The following ARHGEF26 variants were observed in gnomAD, a reference collection of about 807,000 sequenced individuals.
ARHGEF26 encodes Rho guanine nucleotide exchange factor 26.
In ARHGEF26, 59 loss-of-function variants were observed where a neutral mutation model predicts 89.4. The ratio of observed to expected loss-of-function variants is 0.66; its 90% CI spans 0.54 to 0.82. ARHGEF26 has a LOEUF of 0.82. Among genes scored for constraint, ARHGEF26 ranks in the 40% least tolerant of loss-of-function variants. ARHGEF26 has a pLI of 0.00. For synonymous variants in ARHGEF26, 500 were observed against 428.4 expected (o/e 1.17, Z -2.06); for missense variants, 1,234 against 1,085.6 (o/e 1.14, Z -1.92).
chr3:154,167,850 C>G lies in ARHGEF26; in HGVS notation c.1487+14918C>G, dbSNP rs368562311. The stretch of plus-strand genomic sequence containing the variant: ...CTATACTTCAGGTTCATTAGAAACT[C>G]CTTTTACATCATGTCCTTAGGTAAC... On this transcript the variant is annotated intron_variant, in intron 6 of 14. Transcript: ENST00000465093. Among the ~76,000 whole-genome samples, 9 of 152,258 alleles carry G rather than the reference C, an allele frequency of 5.9e-5. No homozygotes were observed. In the East Asian group the frequency reaches 9.6e-4, roughly 16 times the overall value.
intron 6 of ARHGEF26, among the ~76,000 whole-genome samples, chr3:154,180,303 T>C (rs1713101801): frequency 6.6e-6 from 1 of 152,128 alleles, no homozygotes; most frequent in South Asian, 2.1e-4. Flanking sequence ...GACATGTACA[T>C]GGCCATCATT....
intron 4 of ARHGEF26, among the ~76,000 whole-genome samples, chr3:154,134,877 A>G (rs1057102487): frequency 3.9e-4 from 59 of 152,030 alleles, no homozygotes; most frequent in Admixed American, 1.2e-3. Context: ...ATGATGAATA[A>G]TATTTATTGA....
At chr3:154,205,908 G>A (rs890209528) in intron 9 of ARHGEF26, among the ~76,000 whole-genome samples, 5 of 152,076 alleles carry the variant, frequency 3.3e-5, no homozygotes, top group Admixed American at 6.6e-5. Flanking sequence ...ACTTAGGGTA[G>A]GGGTAGTTTA....
chr3:154,130,510 T>C (rs1453863844), intron 4 of ARHGEF26, among the ~76,000 whole-genome samples: 1 of 152,234 alleles, frequency 6.6e-6, no homozygotes, highest in Non-Finnish European at 1.5e-5. Flanking sequence ...AATGATATTC[T>C]GTTCCATCTC....
At chr3:154,150,137 CTTT>C (rs11415597) in intron 5 of ARHGEF26, among the ~76,000 whole-genome samples, 1 of 137,440 alleles carries the variant, frequency 7.3e-6, no homozygotes. Flanking sequence ...CAAGGATGTC[CTTT>C]TTTTTTTTTT....
At chr3:154,186,307 T>G (rs2108173927) in intron 6 of ARHGEF26, among the ~76,000 whole-genome samples, 1 of 152,280 alleles carries the variant, frequency 6.6e-6, no homozygotes, top group South Asian at 2.1e-4. Flanking sequence ...AGCCAAAAAC[T>G]GGAAACTACT....
intron 4 of ARHGEF26, among the ~76,000 whole-genome samples, chr3:154,137,834 AGAG>A (rs973046391): frequency 4.6e-5 from 7 of 151,520 alleles, no homozygotes; most frequent in African/African-American, 1.7e-4. Flanking sequence ...AAAAAGAAGA[AGAG>A]AAGAAGAAGA....
intron 10 of ARHGEF26, among the ~76,000 whole-genome samples, chr3:154,222,918 T>A (rs1716226946): frequency 6.6e-6 from 1 of 152,130 alleles, no homozygotes; most frequent in Admixed American, 6.5e-5. Context: ...GCTTATCCTC[T>A]GAGATGGGAG....
At chr3:154,253,217 C>T in intron 13 of ARHGEF26, 34 bp downstream of exon 13, 2 of 1,613,086 alleles carry the variant, frequency 1.2e-6, no homozygotes, top group Non-Finnish European at 8.5e-7. Context: ...CACTTGGGAA[C>T]ATGGATGGGC....
At chr3:154,205,454 A>T (rs528336754) in intron 9 of ARHGEF26, among the ~76,000 whole-genome samples, 1 of 152,030 alleles carries the variant, frequency 6.6e-6, no homozygotes, top group East Asian at 1.9e-4. Flanking sequence ...TTGTTTTTTC[A>T]TCCATTCTGC....
chr3:154,216,061 A>G (rs1466963634), intron 9 of ARHGEF26, among the ~76,000 whole-genome samples: 1 of 152,188 alleles, frequency 6.6e-6, no homozygotes, highest in African/African-American at 2.4e-5. Flanking sequence ...TTCCAACTAC[A>G]TCTGTGCAGT....
Position 154,122,524 on chromosome 3 carries a change from C to A in ARHGEF26, c.532C>A (p.Leu178Ile), listed in dbSNP as rs1471382428. ...GGTGCCTTCGCCCACTGCAAATGGC[C>A]TTGCCGCTAATAACGACTCTCCTGG... is the stretch of plus-strand genomic sequence containing the variant. ...SPVPSPTANG[L>I]AANNDSPGSG... The change falls in exon 2 of 15, where the codon CTT (leucine) becomes ATT (isoleucine). Residue 178 changes from leucine (L) to isoleucine (I), a missense_variant. Physicochemically the swap from Leu to Ile is conservative, Grantham distance 5. Coordinates refer to ENST00000465093, the MANE Select transcript of ARHGEF26 (RefSeq NM_015595.4). 1 of 1,613,474 alleles carries A rather than the reference C, an allele frequency of 6.2e-7. No homozygotes were observed. Among genetic ancestry groups the A allele is most frequent in the Admixed American group, 1.7e-5 (1 of 60,020 alleles).
intron 7 of ARHGEF26, among the ~76,000 whole-genome samples, chr3:154,188,301 T>TC (rs1294158399): frequency 3.3e-5 from 5 of 152,118 alleles, no homozygotes; most frequent in Non-Finnish European, 7.3e-5. Context: ...TGCTGATTAT[T>TC]CCCCCCACTT....
intron 9 of ARHGEF26, among the ~76,000 whole-genome samples, chr3:154,205,463 G>A (rs568148880): frequency 6.7e-4 from 102 of 152,024 alleles, no homozygotes; most frequent in African/African-American, 2.4e-3. Context: ...CATCCATTCT[G>A]CCAGTCTGTG....
intron 11 of ARHGEF26, among the ~76,000 whole-genome samples, chr3:154,233,006 T>C (rs1716910005): frequency 6.6e-6 from 1 of 151,934 alleles, no homozygotes; most frequent in African/African-American, 2.4e-5. Flanking sequence ...TTTTTTTTTC[T>C]ATTTTTAGTA....
Position 154,182,923 on chromosome 3 carries a change from G to A in ARHGEF26, c.1488-4762G>A, listed in dbSNP as rs187390369. Among the ~76,000 whole-genome samples the A allele has an allele frequency of 7.1e-3, 1,080 of 152,124 alleles. 12 individuals carry two copies. The highest frequency in any genetic ancestry group is 0.01 in the Middle Eastern group (3 of 294). On this transcript the variant is annotated intron_variant, in intron 6 of 14. Transcript: ENST00000465093. ...ACATTTAAGATCATCACATAATAAA[G>A]CAACCACAAAAGACCTAAAAAAAAT... is the stretch of plus-strand genomic sequence containing the variant.
intron 9 of ARHGEF26, among the ~76,000 whole-genome samples, chr3:154,203,364 G>C (rs913238986): frequency 6.6e-6 from 1 of 151,930 alleles, no homozygotes; most frequent in African/African-American, 2.4e-5. Flanking sequence ...GATCATGGTG[G>C]ATAAGCTTTT....
intron 10 of ARHGEF26, among the ~76,000 whole-genome samples, chr3:154,221,858 CAGAT>C (rs1559909569): frequency 1.3e-5 from 2 of 152,220 alleles, no homozygotes; most frequent in African/African-American, 4.8e-5. Context: ...CCCACTCACT[CAGAT>C]AGGAAATTCA....
intron 6 of ARHGEF26, among the ~76,000 whole-genome samples, chr3:154,162,927 C>T (rs1231583177): frequency 6.6e-6 from 1 of 152,138 alleles, no homozygotes; most frequent in Non-Finnish European, 1.5e-5. Context: ...AGAAAGCGCT[C>T]ATTGAGCCGC....
Sources: allele counts gnomAD v4.1 joint callset (sites outside exome capture counted in the v4.1 genomes callset), GRCh38; gene constraint gnomAD v4.1.1; transcripts MANE v1.5; gene names NCBI Gene and HGNC (gene_info 2026-07-23, HGNC 2026-07-21).